ZNF385B: variants seen among roughly 807,000 people sequenced by gnomAD.
ZNF385B encodes the protein zinc finger protein 385B, also known as zinc finger protein 533.
A neutral mutation model predicts 39.2 loss-of-function variants in ZNF385B; 23 were observed. The observed-to-expected ratio is 0.59, with a 90% CI of 0.42 to 0.83. The LOEUF (loss-of-function observed/expected upper bound fraction) is 0.83. Ranked by LOEUF, ZNF385B falls within the 40% of genes least tolerant of loss-of-function variation. The pLI, the probability that ZNF385B is intolerant of heterozygous loss-of-function variation, is 0.00. For synonymous variants in ZNF385B, 205 were observed against 222.6 expected (o/e 0.92, Z 0.70); for missense variants, 552 against 598.9 (o/e 0.92, Z 0.82).
At chr2:179,858,656 A>C (rs1221180816) in intron 1 of ZNF385B, among the ~76,000 whole-genome samples, 1 of 152,124 alleles carries the variant, frequency 6.6e-6, no homozygotes, top group African/African-American at 2.4e-5. Flanking sequence ...GTGGCAAAAT[A>C]GAGATAATGA....
At chr2:179,659,251 C>A (rs9789557) in intron 3 of ZNF385B, among the ~76,000 whole-genome samples, 23,258 of 152,140 alleles carry the variant, frequency 0.15, 1,825 homozygotes, top group South Asian at 0.19. Context: ...TTCCTCAACT[C>A]AATGTGTACT....
chr2:179,535,573 A>G (rs2059510949), intron 4 of ZNF385B, among the ~76,000 whole-genome samples: 1 of 152,216 alleles, frequency 6.6e-6, no homozygotes, highest in Non-Finnish European at 1.5e-5. Context: ...AATCTATTTC[A>G]TATGTGGGTA....
chr2:179,511,660 C>G (rs77023677), intron 5 of ZNF385B, among the ~76,000 whole-genome samples: 1,949 of 152,300 alleles, frequency 0.013, 41 homozygotes, highest in African/African-American at 0.043. Context: ...AGGTCACCCA[C>G]AGAAATGTTT....
chr2:179,508,780 C>T (rs868531903), intron 5 of ZNF385B, among the ~76,000 whole-genome samples: 2 of 152,074 alleles, frequency 1.3e-5, no homozygotes, highest in African/African-American at 2.4e-5. Flanking sequence ...TTAGGCTGAT[C>T]ACCAACTTTG....
At chr2:179,659,883 A>G (rs1694264170) in intron 3 of ZNF385B, among the ~76,000 whole-genome samples, 1 of 152,212 alleles carries the variant, frequency 6.6e-6, no homozygotes, top group South Asian at 2.1e-4. Context: ...TTTAACTTAT[A>G]TACACATTTC....
chr2:179,785,333 A>G lies in ZNF385B; in HGVS notation c.-154-14661T>C, dbSNP rs1248181495. Among the ~76,000 whole-genome samples the G allele has an allele frequency of 2.0e-5, 3 of 152,138 alleles. No homozygotes were observed. In the East Asian group the frequency reaches 5.8e-4, roughly 29 times the overall value. ...ATCTATACATTTACAACAGGCATAC[A>G]TTTCTGGATATAAACTATACTTCAA... is the stretch of plus-strand genomic sequence containing the variant. On this transcript the variant is annotated intron_variant, in intron 1 of 9. Transcript: ENST00000410066.
In ZNF385B at chr2:179,446,686, G is replaced by T; in HGVS notation, c.800C>A (p.Thr267Lys). ...AGTGGCTGCTCCAGGTGGCAGGGGTGTTGTGCCAGATTTGAGGAGAAATGA... is the reference window on the plus strand; with the variant it reads ...AGTGGCTGCTCCAGGTGGCAGGGGTTTTGTGCCAGATTTGAGGAGAAATGA... ...SGSFLLKSGTTPLPPGAATSP... is the reference protein window; with the variant it reads ...SGSFLLKSGTKPLPPGAATSP... Residue 267 changes from threonine (T) to lysine (K), a missense_variant, in exon 7 of 10, where the codon ACA becomes AAA. By Grantham distance (78) the Thr-to-Lys change is moderately conservative (BLOSUM62 -1). Coordinates refer to ENST00000410066, the MANE Select transcript of ZNF385B (RefSeq NM_152520.6). 1 of 1,614,104 alleles carries T rather than the reference G, an allele frequency of 6.2e-7. No homozygotes were observed. Among genetic ancestry groups the T allele is most frequent in the Admixed American group, 1.7e-5 (1 of 60,026 alleles).
intron 3 of ZNF385B, among the ~76,000 whole-genome samples, chr2:179,667,065 T>A (rs1301758420): frequency 1.3e-5 from 2 of 152,296 alleles, no homozygotes; most frequent in East Asian, 3.9e-4. Context: ...AATTAACATT[T>A]TTTGGGTTTG....
intron 3 of ZNF385B, among the ~76,000 whole-genome samples, chr2:179,607,190 T>C (rs1019932609): frequency 6.6e-6 from 1 of 152,118 alleles, no homozygotes; most frequent in South Asian, 2.1e-4. Flanking sequence ...ATGCACCACA[T>C]GTATCAATAA....
At chr2:179,646,210 T>C (rs1575078209) in intron 3 of ZNF385B, among the ~76,000 whole-genome samples, 1 of 152,264 alleles carries the variant, frequency 6.6e-6, no homozygotes, top group African/African-American at 2.4e-5. Context: ...AGGTCAGTAG[T>C]TCAAGACCAG....
intron 1 of ZNF385B, among the ~76,000 whole-genome samples, chr2:179,831,952 G>A (rs1708010148): frequency 6.6e-6 from 1 of 152,212 alleles, no homozygotes. Context: ...GAAAGAAATA[G>A]TTCAGGCATA....
intron 3 of ZNF385B, among the ~76,000 whole-genome samples, chr2:179,597,778 G>GATAA (rs1336413307): frequency 6.6e-6 from 1 of 152,170 alleles, no homozygotes; most frequent in Non-Finnish European, 1.5e-5. Context: ...GAAAAAGAAA[G>GATAA]ATAAATAATA....
At chr2:179,612,948 GA>G (rs1689414984) in intron 3 of ZNF385B, among the ~76,000 whole-genome samples, 1 of 152,172 alleles carries the variant, frequency 6.6e-6, no homozygotes, top group Non-Finnish European at 1.5e-5. Context: ...CAAGCCACAA[GA>G]AAAAAATCTT....
intron 6 of ZNF385B, among the ~76,000 whole-genome samples, chr2:179,479,807 C>T (rs567290013): frequency 6.6e-6 from 1 of 152,142 alleles, no homozygotes; most frequent in African/African-American, 2.4e-5. Context: ...CCACTACACT[C>T]CAGCCTGGGC....
At chr2:179,478,131 C>T (rs1378704176) in intron 6 of ZNF385B, among the ~76,000 whole-genome samples, 2 of 152,190 alleles carry the variant, frequency 1.3e-5, no homozygotes, top group Non-Finnish European at 2.9e-5. Flanking sequence ...AGTTGTGCAA[C>T]CTGACATAAA....
At chr2:179,505,013 A>C (rs1272180530) in intron 5 of ZNF385B, among the ~76,000 whole-genome samples, 1 of 152,056 alleles carries the variant, frequency 6.6e-6, no homozygotes, top group East Asian at 1.9e-4. Context: ...TCACTGTATA[A>C]TTCCATTTAT....
intron 3 of ZNF385B, among the ~76,000 whole-genome samples, chr2:179,685,999 C>G (rs1161487881): frequency 6.6e-6 from 1 of 152,220 alleles, no homozygotes; most frequent in African/African-American, 2.4e-5. Context: ...GAGACCACCT[C>G]CTCTCTATTT....
chr2:179,588,825 G>C (rs1277636279), intron 3 of ZNF385B, among the ~76,000 whole-genome samples: 1 of 152,134 alleles, frequency 6.6e-6, no homozygotes, highest in Admixed American at 6.5e-5. Flanking sequence ...GTCTGAAAAG[G>C]AAAATGTGAT....
chr2:179,679,691 G>C (rs1697337268), intron 3 of ZNF385B, among the ~76,000 whole-genome samples: 1 of 151,890 alleles, frequency 6.6e-6, no homozygotes, highest in African/African-American at 2.4e-5. Flanking sequence ...CTATGCTTTC[G>C]ACCCATGGCG....
Sources: allele counts gnomAD v4.1 joint callset (sites outside exome capture counted in the v4.1 genomes callset), GRCh38; gene constraint gnomAD v4.1.1; transcripts MANE v1.5; gene names NCBI Gene and HGNC (gene_info 2026-07-23, HGNC 2026-07-21).